The following SCHIP1 variants were observed in gnomAD, a reference collection of about 807,000 sequenced individuals.
SCHIP1 encodes the protein schwannomin-interacting protein 1.
Under a neutral mutation model 29.7 loss-of-function variants are expected in SCHIP1, and 8 were observed. The ratio of observed to expected loss-of-function variants is 0.27; its 90% CI spans 0.16 to 0.49. SCHIP1 has a LOEUF of 0.49. SCHIP1 is among the 20% of genes least tolerant of loss of function. The pLI is 0.99. For synonymous variants in SCHIP1, 76 were observed against 94.9 expected, an observed-to-expected ratio of 0.80 and a Z score of 1.16; for missense variants, 193 against 294.6, an observed-to-expected ratio of 0.66 and a Z score of 2.52.
the SCHIP1 span, among the ~76,000 whole-genome samples, chr3:159,563,615 G>A: frequency 6.6e-6 from 1 of 152,230 alleles, no homozygotes; most frequent in Admixed American, 6.5e-5. Context: ...GATCATGTGA[G>A]CCCCAGAGTT....
chr3:159,712,494 A>C, the SCHIP1 span, among the ~76,000 whole-genome samples: 1 of 151,926 alleles, frequency 6.6e-6, no homozygotes, highest in Admixed American at 6.6e-5. Context: ...AGGCAGGAGG[A>C]TCACTTGAGC....
At chr3:159,568,392 A>C in the SCHIP1 span, among the ~76,000 whole-genome samples, 1 of 152,098 alleles carries the variant, frequency 6.6e-6, no homozygotes, top group African/African-American at 2.4e-5. Context: ...ACATTTCACC[A>C]TTATGTATGT....
At chr3:159,398,828 AG>A in the SCHIP1 span, 1 of 198,656 alleles carries the variant, frequency 5.0e-6, no homozygotes, top group African/African-American at 2.4e-5. Context: ...ACAGGTTTGG[AG>A]GGGAATATGT....
At chr3:159,554,832 T>C in the SCHIP1 span, among the ~76,000 whole-genome samples, 1 of 152,008 alleles carries the variant, frequency 6.6e-6, no homozygotes, top group Non-Finnish European at 1.5e-5. Flanking sequence ...CTAGGGCATA[T>C]CCAGTTATTT....
chr3:159,886,327 G>A lies in SCHIP1; in HGVS notation c.267+3G>A, dbSNP rs1716955207. The stretch of plus-strand genomic sequence containing the variant: ...TGGACACCCCCTTGTCTCCCATGGT[G>A]AGTCCAAACAGCACCAGCTGAAGCT... On this transcript the variant is annotated splice_donor_region_variant and intron_variant, in intron 3 of 6. Transcript: ENST00000445224. 6.2e-7 allele frequency: 1 copy of A among 1,613,496 alleles called. No individual in the cohort carries two copies. The highest frequency in any genetic ancestry group is 8.5e-7 in the Non-Finnish European group (1 of 1,179,566).
chr3:159,382,348 A>C, the SCHIP1 span, among the ~76,000 whole-genome samples: 8 of 151,100 alleles, frequency 5.3e-5, no homozygotes, highest in African/African-American at 2.0e-4. Flanking sequence ...ATGAGTGAGA[A>C]TATGCGGTGT....
chr3:159,317,856 A>G, the SCHIP1 span, among the ~76,000 whole-genome samples: 1 of 152,188 alleles, frequency 6.6e-6, no homozygotes, highest in African/African-American at 2.4e-5. Flanking sequence ...CCATATCTGG[A>G]GTAAGTGTCT....
the SCHIP1 span, among the ~76,000 whole-genome samples, chr3:159,594,270 A>T: frequency 5.7e-3 from 876 of 152,358 alleles, 10 homozygotes; most frequent in African/African-American, 0.02. Context: ...AAATTAATTA[A>T]CAAGAGAAAA....
At chr3:159,779,456 G>C in the SCHIP1 span, among the ~76,000 whole-genome samples, 2 of 151,328 alleles carry the variant, frequency 1.3e-5, no homozygotes, top group Non-Finnish European at 2.9e-5. Context: ...TCACCTTGAG[G>C]TCAGGAGTTG....
the SCHIP1 span, among the ~76,000 whole-genome samples, chr3:159,798,799 A>C: frequency 1.3e-5 from 2 of 152,122 alleles, no homozygotes; most frequent in Non-Finnish European, 2.9e-5. Flanking sequence ...ACCAAAAAAA[A>C]CAGCCAAACA....
chr3:159,496,320 C>A, the SCHIP1 span, among the ~76,000 whole-genome samples: 1 of 152,112 alleles, frequency 6.6e-6, no homozygotes, highest in South Asian at 2.1e-4. Flanking sequence ...AACAGGCAAC[C>A]TACGAAATGG....
At chr3:159,780,609 T>C in the SCHIP1 span, among the ~76,000 whole-genome samples, 1 of 152,230 alleles carries the variant, frequency 6.6e-6, no homozygotes. Flanking sequence ...CAAAGTGTCA[T>C]AAATGTAACA....
the SCHIP1 span, among the ~76,000 whole-genome samples, chr3:159,639,251 A>G: frequency 6.6e-6 from 1 of 151,788 alleles, no homozygotes; most frequent in African/African-American, 2.4e-5. Flanking sequence ...CTTAGTCCTC[A>G]TTTTTCTGTA....
chr3:159,507,081 G>T, the SCHIP1 span, among the ~76,000 whole-genome samples: 2 of 152,144 alleles, frequency 1.3e-5, no homozygotes, highest in Admixed American at 1.3e-4. Flanking sequence ...TCACGATATT[G>T]ATTCTTCCTA....
the SCHIP1 span, among the ~76,000 whole-genome samples, chr3:159,741,404 A>G: frequency 1.3e-5 from 2 of 152,218 alleles, no homozygotes; most frequent in Non-Finnish European, 2.9e-5. Context: ...GTTTCATGGA[A>G]TTTTAGAAAT....
chr3:159,300,252 A>T, the SCHIP1 span, among the ~76,000 whole-genome samples: 1 of 150,748 alleles, frequency 6.6e-6, no homozygotes. Flanking sequence ...TAGTCTACCA[A>T]GTTGATGGGA....
At chr3:159,422,047 T>C in the SCHIP1 span, among the ~76,000 whole-genome samples, 9 of 152,250 alleles carry the variant, frequency 5.9e-5, no homozygotes, top group East Asian at 1.5e-3. Context: ...AGTTGCATTA[T>C]ATTTTGTTAT....
chr3:159,335,164 G>T, the SCHIP1 span, among the ~76,000 whole-genome samples: 2 of 151,838 alleles, frequency 1.3e-5, no homozygotes, highest in African/African-American at 4.8e-5. Context: ...CCTCCCAAAT[G>T]TTTTCATTTC....
At chr3:159,411,430 G>A in the SCHIP1 span, among the ~76,000 whole-genome samples, 96 of 152,120 alleles carry the variant, frequency 6.3e-4, no homozygotes, top group Non-Finnish European at 1.1e-3. Context: ...GACCAGAAAT[G>A]TTAAAAATTA....
Sources: gnomAD v4.1 joint callset for allele counts (sites outside exome capture counted in the v4.1 genomes callset) on GRCh38, gnomAD v4.1.1 for gene constraint, MANE v1.5 for transcripts, NCBI Gene and HGNC (gene_info 2026-07-23, HGNC 2026-07-21) for gene names.